Variants in PCDHGA2 observed in about 807,000 individuals in gnomAD.
PCDHGA2 encodes the protein protocadherin gamma subfamily A, 2.
PCDHGA2 carries 40 observed loss-of-function variants against 59.2 expected under a neutral mutation model. That is an observed-to-expected ratio of 0.68 (90% CI 0.52 to 0.88). The LOEUF is 0.88. Among genes scored for constraint, PCDHGA2 ranks in the 40% least tolerant of loss-of-function variants. The probability of loss-of-function intolerance (pLI) is 0.00; values close to 1 mark genes in which losing one functional copy is unlikely to be tolerated. For missense variants in PCDHGA2, 1,226 were observed against 1,204.0 expected, an observed-to-expected ratio of 1.02 and a Z score of -0.27; for synonymous variants, 560 against 526.0, an observed-to-expected ratio of 1.06 and a Z score of -0.89.
At chr5:141,365,884 A>G (rs992274434) in intron 1 of PCDHGA2, 1 of 1,614,096 alleles carries the variant, frequency 6.2e-7, no homozygotes, top group Admixed American at 1.7e-5. Flanking sequence ...ATGCTCTGAG[A>G]TCCTTCGACT....
At chr5:141,345,113 C>G (rs538796099) in intron 1 of PCDHGA2, 5 of 1,613,976 alleles carry the variant, frequency 3.1e-6, no homozygotes, top group Non-Finnish European at 4.2e-6. Flanking sequence ...CAGAAGAGGG[C>G]ACCGTTGGAA....
intron 1 of PCDHGA2, chr5:141,430,741 A>T (rs370226249): frequency 6.7e-6 from 10 of 1,498,900 alleles, no homozygotes; most frequent in Non-Finnish European, 8.9e-6. Flanking sequence ...ATTGAAAATA[A>T]TTCTGGAGGA....
intron 1 of PCDHGA2, chr5:141,351,998 C>A: frequency 6.2e-7 from 1 of 1,610,868 alleles, no homozygotes; most frequent in Non-Finnish European, 8.5e-7. Flanking sequence ...CGCCGCAGAG[C>A]CCGGCTACCT....
chr5:141,372,713 A>T, intron 1 of PCDHGA2: 2 of 1,613,998 alleles, frequency 1.2e-6, no homozygotes, highest in South Asian at 2.2e-5. Flanking sequence ...TAAAGGCTGA[A>T]AATGCTGCAC....
intron 1 of PCDHGA2, chr5:141,362,397 G>C (rs778703789): frequency 4.3e-6 from 7 of 1,614,018 alleles, no homozygotes; most frequent in Non-Finnish European, 5.9e-6. Context: ...CCTACAACCT[G>C]TGTGTTGCCT....
At position 141,432,987 on chromosome 5, in the gene PCDHGA2, T is replaced by C. The variant is rs1259121931; in HGVS notation, c.2425-61820T>C. ...GCGCCGGCGTCGCACTTTGTGGGCGTGGACGGGGTGCAGGCTTTCCTGCAG... is the reference window on the plus strand; with the variant it reads ...GCGCCGGCGTCGCACTTTGTGGGCGCGGACGGGGTGCAGGCTTTCCTGCAG... On this transcript the variant is annotated intron_variant, in intron 1 of 3. Coordinates refer to ENST00000394576, the MANE Select transcript of PCDHGA2 (RefSeq NM_018915.4). The surrounding 1 kb of genome is among the most constrained non-coding windows in gnomAD (Gnocchi z 6.0). The C allele has an allele frequency of 3.7e-6, 6 of 1,614,174 alleles. No individual in the cohort carries two copies. Among genetic ancestry groups the C allele is most frequent in the Non-Finnish European group, 5.1e-6 (6 of 1,180,032 alleles).
chr5:141,339,976 C>G lies in PCDHGA2; in HGVS notation c.1005C>G (p.Val335=). The G allele has an allele frequency of 1.2e-6, 2 of 1,614,104 alleles. No homozygotes were observed. The highest frequency in any genetic ancestry group is 1.7e-6 in the Non-Finnish European group (2 of 1,179,972). Residue 335 remains valine (V), a synonymous_variant, in exon 1 of 4, where the codon GTC becomes GTG. Transcript: ENST00000394576. ...PGLLTRAKVI[V]TVLDVNDNAP... is the part of the protein sequence containing the mutation. Reference sequence around the variant, plus strand: ...TTCTAACCAGAGCGAAGGTTATCGTCACGGTTCTGGATGTGAATGACAATG... The same window carrying G: ...TTCTAACCAGAGCGAAGGTTATCGTGACGGTTCTGGATGTGAATGACAATG...
At position 141,431,213 on chromosome 5, in the gene PCDHGA2, T is replaced by A; in HGVS notation, c.2425-63594T>A. 6.2e-7 allele frequency: 1 copy of A among 1,614,142 alleles called. No individual in the cohort carries two copies. The highest frequency in any genetic ancestry group is 8.5e-7 in the Non-Finnish European group (1 of 1,180,038). On this transcript the variant is annotated intron_variant, in intron 1 of 3. Coordinates refer to ENST00000394576, the MANE Select transcript of PCDHGA2 (RefSeq NM_018915.4). The surrounding 1 kb of genome is among the most constrained non-coding windows in gnomAD (Gnocchi z 4.8). ...TGAAAATGCAGCCACTGAGATGCGG[T>A]TCCCTCTACCCCACGCCTGGGATCC...
intron 1 of PCDHGA2, chr5:141,409,528 C>T (rs1488294674): frequency 3.1e-6 from 5 of 1,613,882 alleles, no homozygotes; most frequent in Non-Finnish European, 4.2e-6. Context: ...CCTTGTATGT[C>T]GCTGACATCA....
rs770391604 is a variant in PCDHGA2, at chr5:141,431,437, G to A, written c.2425-63370G>A. On this transcript the variant is annotated intron_variant, in intron 1 of 3. Coordinates refer to ENST00000394576, the MANE Select transcript of PCDHGA2 (RefSeq NM_018915.4). The surrounding 1 kb of genome is among the most constrained non-coding windows in gnomAD (Gnocchi z 4.8). ...GCGACCCGGTGCGCACAGGCACCGC[G>A]CGCATCCGCGTGATGGTTCTGGATG... The A allele has an allele frequency of 7.4e-6, 12 of 1,613,710 alleles. No homozygotes were observed. In the East Asian group the frequency reaches 2.5e-4, roughly 33 times the overall value.
chr5:141,439,697 A>T (rs2098127217), intron 1 of PCDHGA2, among the ~76,000 whole-genome samples: 1 of 152,218 alleles, frequency 6.6e-6, no homozygotes, highest in Non-Finnish European at 1.5e-5. Flanking sequence ...CAACATTCCT[A>T]TTATGGCTCC....
chr5:141,341,692 T>C (rs553214100), intron 1 of PCDHGA2: 81 of 563,656 alleles, frequency 1.4e-4, no homozygotes, highest in African/African-American at 1.4e-3. Context: ...TCTCCATCCC[T>C]GGGCAAATCA....
chr5:141,413,652 G>T, intron 1 of PCDHGA2: 4 of 1,613,780 alleles, frequency 2.5e-6, no homozygotes, highest in Non-Finnish European at 3.4e-6. Context: ...TTCCTCTCCC[G>T]GAAGCTATTG....
intron 1 of PCDHGA2, among the ~76,000 whole-genome samples, chr5:141,425,382 G>A (rs1455106607): frequency 1.3e-5 from 2 of 152,208 alleles, no homozygotes; most frequent in African/African-American, 4.8e-5. Context: ...TTGATTCGGA[G>A]GTAGTGATAA....
intron 1 of PCDHGA2, chr5:141,413,167 C>G: frequency 6.3e-7 from 1 of 1,590,828 alleles, no homozygotes; most frequent in Non-Finnish European, 8.6e-7. Context: ...ATTCTGTAAC[C>G]AGACTACAAT....
At chr5:141,430,285 T>C (rs1456678142) in intron 1 of PCDHGA2, among the ~76,000 whole-genome samples, 18 of 151,710 alleles carry the variant, frequency 1.2e-4, no homozygotes, top group Admixed American at 1.2e-3. Flanking sequence ...GGAACAGTAA[T>C]CTCAAAGCAG....
Position 141,432,732 on chromosome 5 carries a change from T to G in PCDHGA2, c.2425-62075T>G, listed in dbSNP as rs1300743675. 2.5e-6 allele frequency: 4 copies of G among 1,613,940 alleles called. No individual in the cohort carries two copies. Among genetic ancestry groups the G allele is most frequent in the Non-Finnish European group, 3.4e-6 (4 of 1,179,992 alleles). On this transcript the variant is annotated intron_variant, in intron 1 of 3. Coordinates refer to ENST00000394576, the MANE Select transcript of PCDHGA2 (RefSeq NM_018915.4). This position sits in a 1 kb window ranked among gnomAD's most constrained non-coding sequence, Gnocchi z 6.0. ...GGCCAGCCCCCTCTCTCCGCCACTG[T>G]CACGCTCACCGTGGCCGTGGCCGAC...
chr5:141,372,239 G>A lies in PCDHGA2; in HGVS notation c.2424+30844G>A, dbSNP rs771921907. The A allele has an allele frequency of 2.5e-6, 4 of 1,613,314 alleles. No homozygotes were observed. The Admixed American group carries it at 6.7e-5, about 27-fold the overall frequency. ...ACATTGTGCAGGCCAGCGAGCCCGGGCTGTTCAGCCTGGGCCTGCGCACGG... is the reference window on the plus strand; with the variant it reads ...ACATTGTGCAGGCCAGCGAGCCCGGACTGTTCAGCCTGGGCCTGCGCACGG... On this transcript the variant is annotated intron_variant, in intron 1 of 3. Coordinates refer to ENST00000394576, the MANE Select transcript of PCDHGA2 (RefSeq NM_018915.4).
intron 1 of PCDHGA2, among the ~76,000 whole-genome samples, chr5:141,354,461 AT>A (rs1759548811): frequency 6.6e-6 from 1 of 152,206 alleles, no homozygotes; most frequent in Admixed American, 6.5e-5. Flanking sequence ...TGTCAATCTC[AT>A]TTGTACAGGG....
Sources: gnomAD v4.1 joint callset for allele counts (sites outside exome capture counted in the v4.1 genomes callset) on GRCh38, gnomAD v4.1.1 for gene constraint, Gnocchi (gnomAD v3.1) non-coding constraint, MANE v1.5 for transcripts, NCBI Gene and HGNC (gene_info 2026-07-23, HGNC 2026-07-21) for gene names.